Variants in KIAA0232 observed in about 807,000 individuals in gnomAD.
KIAA0232 encodes the protein uncharacterized protein KIAA0232.
A neutral mutation model predicts 122.0 loss-of-function variants in KIAA0232; 27 were observed. The observed-to-expected ratio is 0.22, with a 90% confidence interval of 0.16 to 0.31. The LOEUF (loss-of-function observed/expected upper bound fraction) is 0.31, where lower values mean the gene tolerates loss of function less well. Among genes scored for constraint, KIAA0232 ranks in the 10% least tolerant of loss-of-function variants. The pLI, the probability that KIAA0232 is intolerant of heterozygous loss-of-function variation, is 1.00. For missense variants in KIAA0232, 1,551 were observed against 1,634.2 expected (o/e 0.95, Z 0.88); for synonymous variants, 613 against 587.6 (o/e 1.04, Z -0.63).
chr4:6,824,318 A>G lies in KIAA0232; in HGVS notation c.-136A>G. 3 of 743,278 alleles carry G rather than the reference A, an allele frequency of 4.0e-6. No homozygotes were observed. Among genetic ancestry groups the G allele is most frequent in the Non-Finnish European group, 7.0e-6 (3 of 426,212 alleles). 46.0% of individuals were successfully genotyped at this position (743,278 alleles called of 1,614,324 possible). ...GAAAGTCTGTTTTAGGTGGCTGACT[A>G]CCAGCAAAAATAAATGCTTATCCTA... On this transcript the variant is annotated 5_prime_UTR_variant, in exon 3 of 10. Coordinates refer to ENST00000307659, the MANE Select transcript of KIAA0232 (RefSeq NM_014743.3).
In KIAA0232 at chr4:6,863,091, A is replaced by G. The variant is rs369868459; in HGVS notation, c.2709A>G (p.Leu903=). Reference sequence around the variant, plus strand: ...AAAGAGCATTTGCTTCTAGTGAGCTATCAAACGTGGATGGTGGTGATTATA... The same window carrying G: ...AAAGAGCATTTGCTTCTAGTGAGCTGTCAAACGTGGATGGTGGTGATTATA... ...LEKRAFASSE[L]SNVDGGDYTT... The change falls in exon 7 of 10, where the codon CTA becomes CTG. Residue 903 remains leucine (L), a synonymous_variant. Transcript: ENST00000307659. The G allele has an allele frequency of 1.1e-5, 18 of 1,614,142 alleles. No homozygotes were observed. Among genetic ancestry groups the G allele is most frequent in the African/African-American group, 6.7e-5 (5 of 74,954 alleles).
At chr4:6,807,018 T>TTGTCTGTC (rs565964056) in intron 2 of KIAA0232, among the ~76,000 whole-genome samples, 55 of 145,434 alleles carry the variant, frequency 3.8e-4, no homozygotes, top group African/African-American at 1.1e-3. Context: ...TTTTTCCTTT[T>TTGTCTGTC]TGTCTGTCTG....
At chr4:6,866,460 G>C (rs1225005799) in intron 7 of KIAA0232, among the ~76,000 whole-genome samples, 2 of 152,196 alleles carry the variant, frequency 1.3e-5, no homozygotes, top group African/African-American at 4.8e-5. Flanking sequence ...TGTGCAGGAG[G>C]CTGAGTGACC....
At chr4:6,830,984 C>G (rs1449373597) in intron 3 of KIAA0232, among the ~76,000 whole-genome samples, 1 of 152,002 alleles carries the variant, frequency 6.6e-6, no homozygotes, top group Non-Finnish European at 1.5e-5. Context: ...CCAAAAAAGT[C>G]CTGTCTAACT....
chr4:6,811,747 ATTTTTTTTTT>A (rs10709832), intron 2 of KIAA0232, among the ~76,000 whole-genome samples: 1 of 103,894 alleles, frequency 9.6e-6, no homozygotes, highest in African/African-American at 3.8e-5. Flanking sequence ...GCCTGGCCTA[ATTTTTTTTTT>A]TTTTTTTTTT....
In KIAA0232 at chr4:6,863,324, G is replaced by A. The variant is rs781298698; in HGVS notation, c.2942G>A (p.Ser981Asn). 6.2e-7 allele frequency: 1 copy of A among 1,614,158 alleles called. No individual in the cohort carries two copies. Among genetic ancestry groups the A allele is most frequent in the Non-Finnish European group, 8.5e-7 (1 of 1,180,026 alleles). ...GATGTCTTTATGACCCCAGGAAACA[G>A]TTTTGCTCCTGGGCACAGGCAGTTA... Reference protein sequence around the residue: ...GTDVFMTPGNSFAPGHRQLWK... With the variant: ...GTDVFMTPGNNFAPGHRQLWK... The change falls in exon 7 of 10, where the codon AGT becomes AAT. Residue 981 changes from serine to asparagine, a missense_variant. By Grantham distance (46) the Ser-to-Asn change is conservative. Around this residue, in one of 5 missense-constraint regions of KIAA0232, gnomAD observed 1,108 missense variants for 1,154.8 expected, o/e 0.96. Transcript: ENST00000307659.
intron 1 of KIAA0232, among the ~76,000 whole-genome samples, chr4:6,791,695 C>T (rs952141628): frequency 1.3e-5 from 2 of 152,154 alleles, no homozygotes; most frequent in Admixed American, 1.3e-4. Flanking sequence ...CTGTATTCAT[C>T]TTGCCTTGAA....
At chr4:6,783,567 C>T (rs1227100523) in intron 1 of KIAA0232, among the ~76,000 whole-genome samples, 2 of 152,228 alleles carry the variant, frequency 1.3e-5, no homozygotes, top group South Asian at 2.1e-4. Context: ...TTCCCCTCCC[C>T]TCCAGCATTG....
chr4:6,830,149 A>G (rs1718890091), intron 3 of KIAA0232, among the ~76,000 whole-genome samples: 1 of 152,210 alleles, frequency 6.6e-6, no homozygotes, highest in Non-Finnish European at 1.5e-5. Context: ...CCACTGTTGA[A>G]GGCACTCATT....
Position 6,859,022 on chromosome 4 carries a change from C to T in KIAA0232, c.518+516C>T, listed in dbSNP as rs1397703007. Reference sequence around the variant, plus strand: ...CCGAGGCAGGAGAATTTCTGGAACCCGGGAGGCAGAGGTTGCAGTGAGCTG... The same window carrying T: ...CCGAGGCAGGAGAATTTCTGGAACCTGGGAGGCAGAGGTTGCAGTGAGCTG... On this transcript the variant is annotated intron_variant, in intron 6 of 9. Coordinates refer to ENST00000307659, the MANE Select transcript of KIAA0232 (RefSeq NM_014743.3). 4.0e-5 allele frequency among the ~76,000 whole-genome samples: 6 copies of T among 149,960 alleles called. No individual in the cohort carries two copies. The Middle Eastern group carries it at 0.014, about 340-fold the overall frequency.
At chr4:6,857,870 G>A (rs748785648) in intron 5 of KIAA0232, among the ~76,000 whole-genome samples, 2 of 152,184 alleles carry the variant, frequency 1.3e-5, no homozygotes, top group Non-Finnish European at 2.9e-5. Flanking sequence ...TGCCCACCAA[G>A]CCTTGAGCCT....
At chr4:6,787,488 C>A (rs367589981) in intron 1 of KIAA0232, among the ~76,000 whole-genome samples, 4 of 152,192 alleles carry the variant, frequency 2.6e-5, no homozygotes, top group African/African-American at 9.6e-5. Context: ...ACTGCACATC[C>A]TTACACAGAT....
intron 1 of KIAA0232, among the ~76,000 whole-genome samples, chr4:6,786,829 TGAC>T (rs2108851621): frequency 6.6e-6 from 1 of 152,320 alleles, no homozygotes; most frequent in African/African-American, 2.4e-5. Context: ...CCTGCATTGC[TGAC>T]TGTGAATCAC....
At chr4:6,870,803 G>A (rs201677534) in intron 7 of KIAA0232, among the ~76,000 whole-genome samples, 10 of 143,766 alleles carry the variant, frequency 7.0e-5, no homozygotes, top group Non-Finnish European at 1.1e-4. Context: ...CTCTGTCTTG[G>A]AAAAAAAAAA....
intron 2 of KIAA0232, among the ~76,000 whole-genome samples, chr4:6,813,073 A>T (rs1432659874): frequency 6.6e-6 from 1 of 152,190 alleles, no homozygotes; most frequent in East Asian, 1.9e-4. Context: ...AAATGCTATT[A>T]GTGCACTCTA....
intron 7 of KIAA0232, among the ~76,000 whole-genome samples, chr4:6,871,014 G>A (rs1721451536): frequency 6.6e-6 from 1 of 152,150 alleles, no homozygotes; most frequent in African/African-American, 2.4e-5. Flanking sequence ...TTTTGGGCTT[G>A]TAAGAGTTTT....
At chr4:6,860,055 C>T (rs1226914822) in intron 6 of KIAA0232, among the ~76,000 whole-genome samples, 3 of 152,194 alleles carry the variant, frequency 2.0e-5, no homozygotes, top group African/African-American at 7.2e-5. Flanking sequence ...TCTGGAATTT[C>T]AAGGCTCAGT....
rs756123289 is a variant in KIAA0232 at position 6,863,524 on chromosome 4, T to C, written c.3142T>C (p.Phe1048Leu). 1 of 1,614,214 alleles carries C rather than the reference T, an allele frequency of 6.2e-7. No individual in the cohort carries two copies. Among genetic ancestry groups the C allele is most frequent in the South Asian group, 1.1e-5 (1 of 91,090 alleles). The change falls in exon 7 of 10, where the codon TTT becomes CTT. Residue 1048 changes from phenylalanine to leucine, a missense_variant. By Grantham distance (22) the Phe-to-Leu change is conservative (BLOSUM62 0). Coordinates refer to ENST00000307659, the MANE Select transcript of KIAA0232 (RefSeq NM_014743.3). ...TTCTTCCTTTGACTTAAGCAATCCA[T>C]TTTCACAAGTTCTTCATGTAGAATG... ...SFSSFDLSNP[F>L]SQVLHVECSF...
chr4:6,843,490 A>G (rs1287033863), intron 4 of KIAA0232, among the ~76,000 whole-genome samples: 1 of 152,190 alleles, frequency 6.6e-6, no homozygotes, highest in African/African-American at 2.4e-5. Flanking sequence ...CTCTGAGGCC[A>G]GGAACAGTGG....
Sources: allele counts gnomAD v4.1 joint callset (sites outside exome capture counted in the v4.1 genomes callset), GRCh38; gene constraint gnomAD v4.1.1; regional missense constraint gnomAD v4.1.1; transcripts MANE v1.5; gene names NCBI Gene and HGNC (gene_info 2026-07-23, HGNC 2026-07-21).